The following GRM7 variants were observed in gnomAD, a reference collection of about 807,000 sequenced individuals.
GRM7 encodes the protein metabotropic glutamate receptor 7.
A neutral mutation model predicts 84.5 loss-of-function variants in GRM7; 35 were observed. The observed-to-expected ratio is 0.41, with a 90% CI of 0.32 to 0.55. The LOEUF (loss-of-function observed/expected upper bound fraction) is 0.55, where lower values mean the gene tolerates loss of function less well. GRM7 is among the 20% of genes least tolerant of loss of function. GRM7 has a pLI of 0.19. For missense variants in GRM7, 1,003 were observed against 1,194.6 expected (o/e 0.84, Z 2.36); for synonymous variants, 487 against 455.1 (o/e 1.07, Z -0.89).
intron 1 of GRM7, among the ~76,000 whole-genome samples, chr3:7,144,503 T>C (rs1694047655): frequency 6.6e-6 from 1 of 152,194 alleles, no homozygotes; most frequent in South Asian, 2.1e-4. Context: ...ATGTTCGTGA[T>C]GACGTGCAGC....
intron 1 of GRM7, among the ~76,000 whole-genome samples, chr3:6,998,393 T>G (rs1158438192): frequency 6.6e-6 from 1 of 152,164 alleles, no homozygotes; most frequent in Non-Finnish European, 1.5e-5. Flanking sequence ...CCCCCCAAAG[T>G]TGCTTTCATG....
chr3:6,958,441 G>T (rs964608047), intron 1 of GRM7, among the ~76,000 whole-genome samples: 1 of 152,102 alleles, frequency 6.6e-6, no homozygotes, highest in African/African-American at 2.4e-5. Flanking sequence ...ATGGACATTT[G>T]AGAAATTTTC....
chr3:7,534,343 C>T (rs563152559), intron 7 of GRM7, among the ~76,000 whole-genome samples: 2 of 152,216 alleles, frequency 1.3e-5, no homozygotes, highest in Admixed American at 6.5e-5. Context: ...AATATACAAC[C>T]TCATTGAAGC....
chr3:7,534,286 T>C (rs1701158774), intron 7 of GRM7, among the ~76,000 whole-genome samples: 1 of 152,180 alleles, frequency 6.6e-6, no homozygotes, highest in Non-Finnish European at 1.5e-5. Context: ...AGTGCTGTGA[T>C]TACAGGCGTG....
chr3:6,925,309 T>C (rs535585868), intron 1 of GRM7, among the ~76,000 whole-genome samples: 8 of 152,338 alleles, frequency 5.3e-5, no homozygotes, highest in African/African-American at 1.9e-4. Context: ...TAAGCATTTG[T>C]TGAATGAATG....
intron 4 of GRM7, among the ~76,000 whole-genome samples, chr3:7,384,358 T>C (rs1240860407): frequency 6.6e-6 from 1 of 152,108 alleles, no homozygotes; most frequent in Admixed American, 6.6e-5. Flanking sequence ...ATTTTTGGAG[T>C]AATATAAATT....
chr3:7,414,809 A>G (rs1480417413), intron 4 of GRM7, among the ~76,000 whole-genome samples: 1 of 152,072 alleles, frequency 6.6e-6, no homozygotes, highest in Non-Finnish European at 1.5e-5. Flanking sequence ...TTATGCTAGT[A>G]ACTACCTACC....
intron 4 of GRM7, among the ~76,000 whole-genome samples, chr3:7,330,091 G>A (rs1174745998): frequency 2.0e-5 from 3 of 152,078 alleles, no homozygotes; most frequent in South Asian, 2.1e-4. Flanking sequence ...GTTGAGGCAT[G>A]GGGTATCCAC....
rs866745706 is a variant in GRM7 at position 7,311,319 on chromosome 3, A to G, written c.1033+4667A>G. The stretch of plus-strand genomic sequence containing the variant: ...AAGTTTTCATTGTCAAAAGGAAAAG[A>G]CAAACTTCCCTCTTCCAAGGCCAGC... On this transcript the variant is annotated intron_variant, in intron 4 of 9. Transcript: ENST00000357716. Among the ~76,000 whole-genome samples, 7 of 152,316 alleles carry G rather than the reference A, an allele frequency of 4.6e-5. No homozygotes were observed. In the Middle Eastern group the frequency reaches 0.01, roughly 222 times the overall value.
chr3:7,287,152 A>G (rs1699459993), intron 2 of GRM7, among the ~76,000 whole-genome samples: 1 of 152,140 alleles, frequency 6.6e-6, no homozygotes, highest in Non-Finnish European at 1.5e-5. Flanking sequence ...GCTCACATCT[A>G]TTTTGCAAAT....
intron 9 of GRM7, among the ~76,000 whole-genome samples, chr3:7,683,297 T>G (rs970509337): frequency 6.6e-6 from 1 of 152,222 alleles, no homozygotes; most frequent in Non-Finnish European, 1.5e-5. Context: ...AATGATTTCA[T>G]TTGGTATCTC....
At chr3:7,499,232 A>G (rs1238305479) in intron 7 of GRM7, among the ~76,000 whole-genome samples, 1 of 152,138 alleles carries the variant, frequency 6.6e-6, no homozygotes, top group Non-Finnish European at 1.5e-5. Flanking sequence ...GCAGGCACCC[A>G]GAAAGTGTCC....
chr3:7,645,080 C>G (rs1698561108), intron 8 of GRM7, among the ~76,000 whole-genome samples: 1 of 152,132 alleles, frequency 6.6e-6, no homozygotes, highest in Non-Finnish European at 1.5e-5. Context: ...CCCAAAAGCT[C>G]TGGCTGTCCT....
intron 4 of GRM7, among the ~76,000 whole-genome samples, chr3:7,353,150 C>A (rs768976793): frequency 1.3e-5 from 2 of 152,060 alleles, no homozygotes; most frequent in Admixed American, 6.6e-5. Context: ...CCTCCACCAG[C>A]CTTTTTTGCT....
intron 4 of GRM7, among the ~76,000 whole-genome samples, chr3:7,368,521 G>A (rs1358082950): frequency 1.3e-5 from 2 of 152,034 alleles, no homozygotes; most frequent in Non-Finnish European, 2.9e-5. Context: ...TGTAATTCAT[G>A]CCTTGGGATT....
intron 5 of GRM7, among the ~76,000 whole-genome samples, chr3:7,446,453 T>C (rs1420478454): frequency 1.6e-5 from 2 of 122,812 alleles, no homozygotes; most frequent in Admixed American, 1.6e-4. Flanking sequence ...TGGTCTTGTT[T>C]TTTTTTTTTT....
intron 8 of GRM7, among the ~76,000 whole-genome samples, chr3:7,659,928 T>C (rs1417885166): frequency 6.6e-6 from 1 of 152,238 alleles, no homozygotes; most frequent in Admixed American, 6.5e-5. Flanking sequence ...GGCATATTAT[T>C]TCTAGTGGTA....
At chr3:7,123,828 A>G (rs1356518381) in intron 1 of GRM7, among the ~76,000 whole-genome samples, 1 of 152,192 alleles carries the variant, frequency 6.6e-6, no homozygotes, top group Admixed American at 6.5e-5. Context: ...CCTCATTGAT[A>G]AAATCTTTCT....
intron 9 of GRM7, among the ~76,000 whole-genome samples, chr3:7,731,417 T>G (rs1240597338): frequency 1.3e-5 from 2 of 152,238 alleles, no homozygotes; most frequent in South Asian, 4.1e-4. Flanking sequence ...AAAGTGAAAC[T>G]GCATTTGCAA....
Sources: gnomAD v4.1 joint callset for allele counts (sites outside exome capture counted in the v4.1 genomes callset) on GRCh38, gnomAD v4.1.1 for gene constraint, MANE v1.5 for transcripts, NCBI Gene and HGNC (gene_info 2026-07-23, HGNC 2026-07-21) for gene names.